CSMD3: variants seen among roughly 807,000 people sequenced by gnomAD.
CSMD3 encodes CUB and sushi domain-containing protein 3.
Under a neutral mutation model 435.2 loss-of-function variants are expected in CSMD3, and 177 were observed. The observed-to-expected ratio is 0.41, with a 90% confidence interval of 0.36 to 0.46. The LOEUF is 0.46. Among genes scored for constraint, CSMD3 ranks in the 20% least tolerant of loss-of-function variants. The probability of loss-of-function intolerance (pLI) is 0.34; values close to 1 mark genes in which losing one functional copy is unlikely to be tolerated. For synonymous variants in CSMD3, 1,656 were observed against 1,520.5 expected (o/e 1.09, Z -2.07); for missense variants, 4,265 against 4,504.6 (o/e 0.95, Z 1.52).
intron 35 of CSMD3, among the ~76,000 whole-genome samples, chr8:112,396,633 T>C (rs1407784222): frequency 6.6e-6 from 1 of 152,150 alleles, no homozygotes; most frequent in Admixed American, 6.6e-5. Context: ...AGGAAATTGA[T>C]ACAGTAATTT....
At position 112,638,786 on chromosome 8, in the gene CSMD3, T is replaced by A. The variant is rs2131589208; in HGVS notation, c.3436A>T (p.Asn1146Tyr). ...CTGAAATTTCCATAGAGACCAGCAT[T>A]GATTGTTGGAGGAAGATCTGAACCA... Reference protein sequence around the residue: ...LTGSDLPPTINAGLYGNFRAQ... With the variant: ...LTGSDLPPTIYAGLYGNFRAQ... Residue 1146 changes from asparagine to tyrosine, a missense_variant, in exon 21 of 71, where the codon AAT (asparagine) becomes TAT (tyrosine). Asn to Tyr is a moderately radical substitution (Grantham distance 143, BLOSUM62 -2). Transcript: ENST00000297405. 1 of 1,612,706 alleles carries A rather than the reference T, an allele frequency of 6.2e-7. No homozygotes were observed.
At chr8:112,814,474 G>A (rs908092779) in intron 12 of CSMD3, among the ~76,000 whole-genome samples, 2 of 152,066 alleles carry the variant, frequency 1.3e-5, no homozygotes, top group African/African-American at 4.8e-5. Flanking sequence ...TGATCTCTAA[G>A]GCCATTTAAT....
intron 10 of CSMD3, among the ~76,000 whole-genome samples, chr8:112,871,584 G>A (rs2081136947): frequency 6.6e-6 from 1 of 151,976 alleles, no homozygotes; most frequent in African/African-American, 2.4e-5. Context: ...TAGAGAAAAA[G>A]TGAATTTAAA....
intron 5 of CSMD3, among the ~76,000 whole-genome samples, chr8:113,081,186 G>T (rs1019815536): frequency 2.6e-5 from 4 of 152,108 alleles, no homozygotes; most frequent in Non-Finnish European, 5.9e-5. Flanking sequence ...CACAAATTGG[G>T]TGGCTTTAAA....
intron 13 of CSMD3, among the ~76,000 whole-genome samples, chr8:112,725,571 A>G (rs1319177097): frequency 6.6e-6 from 1 of 152,000 alleles, no homozygotes; most frequent in Admixed American, 6.6e-5. Context: ...TCTACAAATG[A>G]CTTTCTAAGA....
chr8:113,376,536 T>G (rs1269955133), intron 1 of CSMD3: 1 of 575,692 alleles, frequency 1.7e-6, no homozygotes, highest in Non-Finnish European at 3.0e-6. Context: ...CTGTCTTTTC[T>G]GTATTATTTA....
At chr8:112,594,752 C>A (rs1212991599) in intron 22 of CSMD3, among the ~76,000 whole-genome samples, 1 of 152,194 alleles carries the variant, frequency 6.6e-6, no homozygotes, top group Admixed American at 6.5e-5. Flanking sequence ...CCAGTAGGGG[C>A]ACACTGACAC....
At chr8:112,432,278 G>T (rs1813801925) in intron 32 of CSMD3, among the ~76,000 whole-genome samples, 1 of 152,052 alleles carries the variant, frequency 6.6e-6, no homozygotes, top group Admixed American at 6.6e-5. Flanking sequence ...TGAAGGTCAA[G>T]ATTCCTTAAT....
intron 5 of CSMD3, among the ~76,000 whole-genome samples, chr8:113,052,311 G>A (rs1039780659): frequency 2.6e-5 from 4 of 152,156 alleles, no homozygotes; most frequent in African/African-American, 9.7e-5. Context: ...ATGTAAATGA[G>A]ATTTTCCTCT....
At chr8:113,135,893 G>A (rs571383429) in intron 4 of CSMD3, among the ~76,000 whole-genome samples, 4 of 151,772 alleles carry the variant, frequency 2.6e-5, no homozygotes, top group Non-Finnish European at 4.4e-5. Flanking sequence ...TAAAAAATAC[G>A]TATTTTAAGT....
chr8:112,598,016 A>C (rs1316915469), intron 22 of CSMD3, among the ~76,000 whole-genome samples: 1 of 148,172 alleles, frequency 6.7e-6, no homozygotes, highest in East Asian at 2.0e-4. Context: ...AGTTCTGGCC[A>C]GGGCAATTAG....
intron 1 of CSMD3, among the ~76,000 whole-genome samples, chr8:113,434,546 A>G (rs2094693564): frequency 6.6e-6 from 1 of 152,214 alleles, no homozygotes; most frequent in Non-Finnish European, 1.5e-5. Flanking sequence ...TGGGGACAGT[A>G]TTCCAAGTCG....
chr8:112,374,847 G>C (rs1273354702), intron 38 of CSMD3, among the ~76,000 whole-genome samples: 1 of 152,032 alleles, frequency 6.6e-6, no homozygotes, highest in Non-Finnish European at 1.5e-5. Flanking sequence ...TCTATGTTTT[G>C]TTTGTTTATT....
chr8:112,353,149 G>A (rs1039181124), intron 38 of CSMD3, among the ~76,000 whole-genome samples: 1 of 152,162 alleles, frequency 6.6e-6, no homozygotes, highest in South Asian at 2.1e-4. Flanking sequence ...CCAGCACTTT[G>A]GGGGGCTGAG....
At chr8:112,334,334 A>G (rs909792882) in intron 45 of CSMD3, among the ~76,000 whole-genome samples, 1 of 152,230 alleles carries the variant, frequency 6.6e-6, no homozygotes, top group Non-Finnish European at 1.5e-5. Context: ...CTTTGAACAC[A>G]ATCACAGTTG....
At chr8:113,046,208 A>G (rs536754770) in intron 5 of CSMD3, among the ~76,000 whole-genome samples, 7 of 148,790 alleles carry the variant, frequency 4.7e-5, no homozygotes, top group Admixed American at 4.7e-4. Context: ...CGCCAACCAC[A>G]CGAGGTGCGA....
At chr8:112,404,037 G>A (rs1429222090) in intron 35 of CSMD3, among the ~76,000 whole-genome samples, 1 of 152,050 alleles carries the variant, frequency 6.6e-6, no homozygotes, top group Non-Finnish European at 1.5e-5. Flanking sequence ...AATGCACTGT[G>A]AAATATGCTA....
intron 8 of CSMD3, among the ~76,000 whole-genome samples, chr8:112,948,234 G>C (rs949793881): frequency 6.6e-6 from 1 of 151,924 alleles, no homozygotes; most frequent in Admixed American, 6.6e-5. Flanking sequence ...CAACAAAGAA[G>C]TCAACCACCA....
At chr8:112,951,530 C>T (rs1358330946) in intron 8 of CSMD3, among the ~76,000 whole-genome samples, 4 of 151,588 alleles carry the variant, frequency 2.6e-5, no homozygotes, top group African/African-American at 7.3e-5. Context: ...ATATCAAGTG[C>T]TTTGGATCTT....
Sources: allele counts gnomAD v4.1 joint callset (sites outside exome capture counted in the v4.1 genomes callset), GRCh38; gene constraint gnomAD v4.1.1; transcripts MANE v1.5; gene names NCBI Gene and HGNC (gene_info 2026-07-23, HGNC 2026-07-21).